Variants in DCC observed in about 807,000 individuals in gnomAD.
DCC encodes the protein netrin receptor DCC.
In DCC, 58 loss-of-function variants were observed where a neutral mutation model predicts 172.5. That is an observed-to-expected ratio of 0.34 (90% CI 0.27 to 0.42). The LOEUF (loss-of-function observed/expected upper bound fraction) is 0.42, where lower values mean the gene tolerates loss of function less well. Among genes scored for constraint, DCC ranks in the 10% least tolerant of loss-of-function variants. The probability of loss-of-function intolerance (pLI) is 1.00; values close to 1 mark genes in which losing one functional copy is unlikely to be tolerated. For missense variants in DCC, 1,740 were observed against 1,791.0 expected (o/e 0.97, Z 0.51); for synonymous variants, 709 against 644.5 (o/e 1.10, Z -1.52).
chr18:53,416,394 A>C, intron 21 of DCC: 1 of 670,948 alleles, frequency 1.5e-6, no homozygotes, highest in Non-Finnish European at 2.7e-6. Flanking sequence ...GGACCAATTA[A>C]AATGTCAAGC....
chr18:53,347,836 C>A (rs1182258776), intron 15 of DCC, among the ~76,000 whole-genome samples: 1 of 152,124 alleles, frequency 6.6e-6, no homozygotes, highest in Non-Finnish European at 1.5e-5. Context: ...CTTTAAAAAA[C>A]CATGAGATCT....
chr18:52,340,356 A>C lies in DCC; in HGVS notation c.-432A>C. The stretch of plus-strand genomic sequence containing the variant: ...TCTTCAACTTTACCCAACCGACGAC[A>C]AGGAACCAGCCTCAACCTTTTAATG... On this transcript the variant is annotated 5_prime_UTR_variant, in exon 1 of 29. Transcript: ENST00000442544. 4.9e-6 allele frequency: 1 copy of C among 204,260 alleles called. No individual in the cohort carries two copies. The highest frequency in any genetic ancestry group is 1.0e-5 in the Non-Finnish European group (1 of 98,610). 12.7% of individuals were successfully genotyped at this position (204,260 alleles called of 1,614,324 possible).
At chr18:53,508,765 G>C (rs1334763924) in intron 27 of DCC, among the ~76,000 whole-genome samples, 2 of 152,180 alleles carry the variant, frequency 1.3e-5, no homozygotes, top group African/African-American at 4.8e-5. Flanking sequence ...GGTGAGCAGA[G>C]GAGGTCAGAG....
At chr18:52,443,904 G>T (rs1283099021) in intron 1 of DCC, among the ~76,000 whole-genome samples, 1 of 152,120 alleles carries the variant, frequency 6.6e-6, no homozygotes, top group South Asian at 2.1e-4. Context: ...TCTTGAAATA[G>T]CTCAGGTTAT....
At chr18:52,822,244 G>A (rs1405832363) in intron 2 of DCC, among the ~76,000 whole-genome samples, 1 of 152,164 alleles carries the variant, frequency 6.6e-6, no homozygotes, top group Admixed American at 6.5e-5. Context: ...TATATTGTCA[G>A]GCTATTCCAA....
chr18:53,190,932 C>A (rs866287114), intron 9 of DCC, among the ~76,000 whole-genome samples: 5 of 152,088 alleles, frequency 3.3e-5, no homozygotes, highest in Admixed American at 6.5e-5. Flanking sequence ...GGAGACAGAG[C>A]GGACTCCGTC....
At chr18:52,568,964 A>G (rs1009037777) in intron 1 of DCC, among the ~76,000 whole-genome samples, 4 of 152,204 alleles carry the variant, frequency 2.6e-5, no homozygotes, top group Admixed American at 6.5e-5. Context: ...GTTTGTATAT[A>G]TATCTCCCAT....
intron 2 of DCC, among the ~76,000 whole-genome samples, chr18:52,893,165 CCTT>C (rs1466352856): frequency 1.3e-5 from 2 of 152,044 alleles, no homozygotes; most frequent in Non-Finnish European, 2.9e-5. Flanking sequence ...TTAGGCTTCT[CCTT>C]TTTTTTGTCT....
chr18:52,967,371 C>T (rs2040952120), intron 5 of DCC, among the ~76,000 whole-genome samples: 1 of 152,172 alleles, frequency 6.6e-6, no homozygotes, highest in South Asian at 2.1e-4. Flanking sequence ...ATTTGCAGGT[C>T]TCTTTCTTAA....
At chr18:52,362,663 C>G (rs1275211745) in intron 1 of DCC, among the ~76,000 whole-genome samples, 3 of 151,648 alleles carry the variant, frequency 2.0e-5, no homozygotes, top group African/African-American at 7.3e-5. Flanking sequence ...ATCAGAGGAA[C>G]CTTAAAAAAA....
chr18:52,477,995 A>C (rs758895231), intron 1 of DCC, among the ~76,000 whole-genome samples: 22 of 151,924 alleles, frequency 1.4e-4, no homozygotes, highest in Non-Finnish European at 2.2e-4. Flanking sequence ...TGTTTAGTAG[A>C]GATGAAGTCT....
intron 1 of DCC, among the ~76,000 whole-genome samples, chr18:52,513,219 A>G (rs1042113236): frequency 1.3e-5 from 2 of 152,210 alleles, no homozygotes; most frequent in African/African-American, 2.4e-5. Flanking sequence ...TTTCCTAAGA[A>G]TGTTCATAAT....
intron 8 of DCC, among the ~76,000 whole-genome samples, chr18:53,159,380 G>T (rs142593272): frequency 1.3e-5 from 2 of 152,110 alleles, no homozygotes; most frequent in African/African-American, 4.8e-5. Context: ...ACCATTCCTC[G>T]TGAAGTCTTG....
chr18:53,494,715 AGATGGGTCTCCTGAATACAGCACACT>A (rs2045999345), intron 26 of DCC, among the ~76,000 whole-genome samples: 1 of 152,144 alleles, frequency 6.6e-6, no homozygotes, highest in African/African-American at 2.4e-5. Flanking sequence ...CCTGCACGTG[AGATGGGTCTCCTGAATACAGCACACT>A]GATGGGTCTT....
chr18:52,886,521 T>A (rs910764805), intron 2 of DCC, among the ~76,000 whole-genome samples: 6 of 152,214 alleles, frequency 3.9e-5, no homozygotes, highest in African/African-American at 1.4e-4. Flanking sequence ...GTGTGCATCT[T>A]GCATTACCTG....
intron 1 of DCC, among the ~76,000 whole-genome samples, chr18:52,603,840 T>C (rs1442450421): frequency 6.6e-6 from 1 of 151,696 alleles, no homozygotes; most frequent in Non-Finnish European, 1.5e-5. Context: ...CTTTTCCTTC[T>C]TGATTTAATT....
intron 1 of DCC, among the ~76,000 whole-genome samples, chr18:52,667,127 C>A (rs1240141562): frequency 6.6e-6 from 1 of 152,020 alleles, no homozygotes; most frequent in African/African-American, 2.4e-5. Flanking sequence ...AAGATAGGCC[C>A]AAATGAGGAG....
intron 2 of DCC, among the ~76,000 whole-genome samples, chr18:52,876,624 A>G (rs1440224099): frequency 6.6e-6 from 1 of 152,244 alleles, no homozygotes; most frequent in Admixed American, 6.5e-5. Flanking sequence ...TGTAATGGCT[A>G]ACAGAAGGAA....
intron 1 of DCC, among the ~76,000 whole-genome samples, chr18:52,540,611 T>TA (rs2032412188): frequency 7.7e-6 from 1 of 129,708 alleles, no homozygotes; most frequent in Non-Finnish European, 1.6e-5. Flanking sequence ...TTTTTTTTTT[T>TA]TTTTTTTTTT....
Sources: gnomAD v4.1 joint callset for allele counts (sites outside exome capture counted in the v4.1 genomes callset) on GRCh38, gnomAD v4.1.1 for gene constraint, MANE v1.5 for transcripts, NCBI Gene and HGNC (gene_info 2026-07-23, HGNC 2026-07-21) for gene names.